The following MGMT variants were observed in gnomAD, a reference collection of about 807,000 sequenced individuals.
The protein encoded by MGMT is O-6-methylguanine-DNA methyltransferase.
MGMT carries 14 observed loss-of-function variants against 15.9 expected under a neutral mutation model. The ratio of observed to expected loss-of-function variants is 0.88; its 90% CI spans 0.58 to 1.37. The LOEUF is 1.37. MGMT is among the 40% of genes most tolerant of loss of function. The pLI is 0.00. For synonymous variants in MGMT, 130 were observed against 118.2 expected (o/e 1.10, Z -0.65); for missense variants, 282 against 268.1 (o/e 1.05, Z -0.36).
chr10:129,704,248 C>T (rs1238174561), intron 2 of MGMT, among the ~76,000 whole-genome samples: 1 of 152,062 alleles, frequency 6.6e-6, no homozygotes, highest in Non-Finnish European at 1.5e-5. Context: ...GGAAATTGGG[C>T]AGTGAAAAGA....
chr10:129,697,482 C>T (rs981989136), intron 2 of MGMT, among the ~76,000 whole-genome samples: 5 of 152,070 alleles, frequency 3.3e-5, no homozygotes, highest in Admixed American at 1.3e-4. Flanking sequence ...ACATAACCTC[C>T]GGACCTCAGT....
intron 2 of MGMT, among the ~76,000 whole-genome samples, chr10:129,627,833 T>G (rs761864691): frequency 1.3e-5 from 2 of 152,220 alleles, no homozygotes; most frequent in Non-Finnish European, 2.9e-5. Context: ...AATTTTGTAA[T>G]GTGAGTGTGA....
chr10:129,496,635 G>C (rs574753958), intron 1 of MGMT, among the ~76,000 whole-genome samples: 2 of 152,224 alleles, frequency 1.3e-5, no homozygotes, highest in East Asian at 3.9e-4. Context: ...TGTCGCATCA[G>C]CTTGTGCAGC....
chr10:129,695,077 A>G (rs1401061905), intron 2 of MGMT, among the ~76,000 whole-genome samples: 4 of 152,218 alleles, frequency 2.6e-5, no homozygotes, highest in Non-Finnish European at 5.9e-5. Flanking sequence ...ATATGACCTC[A>G]GTGTTTTAAA....
intron 1 of MGMT, among the ~76,000 whole-genome samples, chr10:129,528,281 C>G (rs1204510178): frequency 3.3e-5 from 5 of 152,102 alleles, no homozygotes; most frequent in African/African-American, 1.2e-4. Context: ...TTCCTGTTCT[C>G]ACACAAGGAG....
intron 4 of MGMT, among the ~76,000 whole-genome samples, chr10:129,760,773 C>G (rs1848863476): frequency 1.3e-5 from 2 of 152,268 alleles, no homozygotes; most frequent in East Asian, 1.9e-4. Context: ...TAAAATATCC[C>G]AAATATCCCA....
chr10:129,546,148 C>G (rs1002562391), intron 2 of MGMT, among the ~76,000 whole-genome samples: 23 of 152,242 alleles, frequency 1.5e-4, no homozygotes, highest in African/African-American at 5.3e-4. Context: ...GTGCCCTGCT[C>G]CGTGTCAGAC....
At chr10:129,699,754 G>A (rs952170216) in intron 2 of MGMT, among the ~76,000 whole-genome samples, 2 of 152,130 alleles carry the variant, frequency 1.3e-5, no homozygotes, top group Admixed American at 1.3e-4. Context: ...AGCACTCATG[G>A]AACCCGTCCT....
intron 2 of MGMT, among the ~76,000 whole-genome samples, chr10:129,654,005 C>G (rs550504239): frequency 6.6e-6 from 1 of 152,108 alleles, no homozygotes; most frequent in African/African-American, 2.4e-5. Context: ...CCCACCTCCC[C>G]CTTGACAAGA....
intron 3 of MGMT, among the ~76,000 whole-genome samples, chr10:129,735,593 C>T: frequency 6.9e-6 from 1 of 144,840 alleles, no homozygotes; most frequent in African/African-American, 2.6e-5. Context: ...TATTTCTTGC[C>T]TTCTGCTAGC....
At chr10:129,626,921 A>G (rs1264516136) in intron 2 of MGMT, among the ~76,000 whole-genome samples, 2 of 152,200 alleles carry the variant, frequency 1.3e-5, no homozygotes, top group African/African-American at 4.8e-5. Context: ...AGCAGAGTAC[A>G]TAGTGCAAGA....
intron 2 of MGMT, among the ~76,000 whole-genome samples, chr10:129,617,842 G>A (rs1393568216): frequency 1.3e-5 from 2 of 152,082 alleles, no homozygotes; most frequent in African/African-American, 2.4e-5. Context: ...TAGACCTTTG[G>A]GGGATGCATA....
At chr10:129,706,221 C>G (rs1301429782) in intron 2 of MGMT, among the ~76,000 whole-genome samples, 1 of 152,352 alleles carries the variant, frequency 6.6e-6, no homozygotes, top group Non-Finnish European at 1.5e-5. Flanking sequence ...TTCACACTGT[C>G]TGTCCTACGT....
intron 2 of MGMT, among the ~76,000 whole-genome samples, chr10:129,568,409 A>T (rs565978099): frequency 7.2e-5 from 11 of 152,300 alleles, no homozygotes; most frequent in Middle Eastern, 3.4e-3. Context: ...CACGGGGGCA[A>T]ATGTCCTGGG....
chr10:129,743,650 G>A (rs1848663104), intron 3 of MGMT, among the ~76,000 whole-genome samples: 1 of 152,344 alleles, frequency 6.6e-6, no homozygotes, highest in African/African-American at 2.4e-5. Context: ...GACCTTTGGG[G>A]AGACTGTCTT....
rs1379778276 is a variant in MGMT at position 129,768,725 on chromosome 10, G to A, written c.*1728G>A. 1 of 152,286 alleles carries A rather than the reference G, an allele frequency of 6.6e-6. No homozygotes were observed. Among genetic ancestry groups the A allele is most frequent in the African/African-American group, 2.4e-5 (1 of 41,470 alleles). 9.4% of individuals were successfully genotyped at this position (152,286 alleles called of 1,614,324 possible). ...GAGTGCTTTCCAACAGAGGGCACCAGAGCCGTGCGGTGTGCTGTGGAGACC... is the reference window on the plus strand; with the variant it reads ...GAGTGCTTTCCAACAGAGGGCACCAAAGCCGTGCGGTGTGCTGTGGAGACC... On this transcript the variant is annotated 3_prime_UTR_variant, in exon 5 of 5. Transcript: ENST00000651593.
At chr10:129,490,527 C>G (rs1422778511) in intron 1 of MGMT, among the ~76,000 whole-genome samples, 3 of 151,904 alleles carry the variant, frequency 2.0e-5, no homozygotes, top group Non-Finnish European at 4.4e-5. Flanking sequence ...TTTTTAAAAA[C>G]TGGTTAGGTT....
intron 2 of MGMT, among the ~76,000 whole-genome samples, chr10:129,619,553 G>C (rs975031048): frequency 2.0e-5 from 3 of 151,952 alleles, no homozygotes; most frequent in African/African-American, 7.3e-5. Context: ...TTTTAAAATT[G>C]TTTAGGATTG....
chr10:129,708,097 G>T, intron 3 of MGMT, 54 bp downstream of exon 3: 1 of 1,553,716 alleles, frequency 6.4e-7, no homozygotes, highest in Admixed American at 1.9e-5. Context: ...ACTTATTAAC[G>T]ATCGCTGACA....
Sources: gnomAD v4.1 joint callset for allele counts (sites outside exome capture counted in the v4.1 genomes callset) on GRCh38, gnomAD v4.1.1 for gene constraint, MANE v1.5 for transcripts, NCBI Gene and HGNC (gene_info 2026-07-23, HGNC 2026-07-21) for gene names.